Variants in TTLL5 observed in about 807,000 individuals in gnomAD.
The protein encoded by TTLL5 is tubulin polyglutamylase TTLL5.
Under a neutral mutation model 168.4 loss-of-function variants are expected in TTLL5, and 132 were observed. The ratio of observed to expected loss-of-function variants is 0.78; its 90% confidence interval spans 0.68 to 0.91. The LOEUF is 0.91. TTLL5 is among the 40% of genes least tolerant of loss of function. The pLI is 0.00. For missense variants in TTLL5, 1,545 were observed against 1,581.5 expected (o/e 0.98, Z 0.39); for synonymous variants, 546 against 558.6 (o/e 0.98, Z 0.32).
intron 27 of TTLL5, among the ~76,000 whole-genome samples, chr14:75,801,316 G>A (rs1893308249): frequency 6.6e-6 from 1 of 152,114 alleles, no homozygotes; most frequent in Non-Finnish European, 1.5e-5. Flanking sequence ...GGGAAAGCCA[G>A]CAGTGGCAGA....
chr14:75,744,931 GT>G (rs1889508540), intron 15 of TTLL5, among the ~76,000 whole-genome samples, 163 bp from the exon 16 acceptor site: 1 of 152,106 alleles, frequency 6.6e-6, no homozygotes, highest in East Asian at 1.9e-4. Flanking sequence ...GCTTTCGTCT[GT>G]TTTCCAGGGT....
chr14:75,787,398 T>A (rs1892431426), intron 26 of TTLL5, among the ~76,000 whole-genome samples: 1 of 152,178 alleles, frequency 6.6e-6, no homozygotes, highest in Non-Finnish European at 1.5e-5. Flanking sequence ...ATATAAAACT[T>A]TCTTACAGAT....
At chr14:75,756,436 T>C (rs758402807) in intron 18 of TTLL5, among the ~76,000 whole-genome samples, 29 of 152,040 alleles carry the variant, frequency 1.9e-4, no homozygotes, top group Non-Finnish European at 3.8e-4. Flanking sequence ...GGTGGATACA[T>C]GAACCTACAC....
intron 23 of TTLL5, among the ~76,000 whole-genome samples, chr14:75,777,236 G>A (rs1891767637): frequency 6.6e-6 from 1 of 152,174 alleles, no homozygotes; most frequent in African/African-American, 2.4e-5. Context: ...AGCCTTCACA[G>A]TGCACATCTC....
At chr14:75,928,559 C>T (rs1037313576) in intron 31 of TTLL5, among the ~76,000 whole-genome samples, 2 of 151,798 alleles carry the variant, frequency 1.3e-5, no homozygotes, top group African/African-American at 4.8e-5. Flanking sequence ...CTCCCTCCCT[C>T]CCCTGAGATT....
rs141732889 is a variant in TTLL5, at chr14:75,674,240, A to G, written c.181+4718A>G. Reference sequence around the variant, plus strand: ...TATCTTTCCCAGTTCCTTGTGGCTTAATAATTTTCTTCACCTTCCTTAATG... The same window carrying G: ...TATCTTTCCCAGTTCCTTGTGGCTTGATAATTTTCTTCACCTTCCTTAATG... On this transcript the variant is annotated intron_variant, in intron 3 of 31. Transcript: ENST00000298832. Among the ~76,000 whole-genome samples the G allele has an allele frequency of 6.6e-5, 10 of 152,300 alleles. No individual in the cohort carries two copies. In the East Asian group the frequency reaches 1.7e-3, roughly 26 times the overall value.
rs74958277 is a variant in TTLL5 at position 75,916,690 on chromosome 14, C to T, written c.3823+14466C>T. ...TGATCCAGCAATTTCATTCTGTGTG[C>T]GTATGCCCAAAAGAATTGAAAGCAG... On this transcript the variant is annotated intron_variant, in intron 31 of 31. Coordinates refer to ENST00000298832, the MANE Select transcript of TTLL5 (RefSeq NM_015072.5). Among the ~76,000 whole-genome samples, 92 of 152,194 alleles carry T rather than the reference C, an allele frequency of 6.0e-4. 1 individual carries two copies. In the East Asian group the frequency reaches 0.015, roughly 24 times the overall value.
rs1460922963 is a variant in TTLL5 at position 75,674,010 on chromosome 14, A to G, written c.181+4488A>G. Among the ~76,000 whole-genome samples the G allele has an allele frequency of 2.0e-5, 3 of 152,158 alleles. No individual in the cohort carries two copies. The East Asian group carries it at 5.8e-4, about 29-fold the overall frequency. On this transcript the variant is annotated intron_variant, in intron 3 of 31. Coordinates refer to ENST00000298832, the MANE Select transcript of TTLL5 (RefSeq NM_015072.5). Reference sequence around the variant, plus strand: ...ACTTCTTTTGGTCTGCTTGTCACATAAAGTAATCGATGTATTCTATGGCAA... The same window carrying G: ...ACTTCTTTTGGTCTGCTTGTCACATGAAGTAATCGATGTATTCTATGGCAA...
intron 31 of TTLL5, among the ~76,000 whole-genome samples, chr14:75,922,882 TATTA>T (rs2033879113): frequency 1.3e-5 from 2 of 152,118 alleles, no homozygotes; most frequent in South Asian, 2.1e-4. Context: ...GTTGGTAGGC[TATTA>T]ATTATTGCCT....
intron 30 of TTLL5, chr14:75,887,266 G>A: frequency 4.1e-6 from 4 of 986,000 alleles, no homozygotes; most frequent in South Asian, 4.7e-5. Context: ...AGAGATTAAT[G>A]TCAGAAGAAT....
At chr14:75,933,998 G>T (rs747477064) in intron 31 of TTLL5, among the ~76,000 whole-genome samples, 5 of 152,196 alleles carry the variant, frequency 3.3e-5, no homozygotes, top group Non-Finnish European at 7.3e-5. Flanking sequence ...GTGAGAAAAT[G>T]AGTTCCTGTT....
chr14:75,735,778 T>C (rs1888856115), intron 15 of TTLL5, among the ~76,000 whole-genome samples: 1 of 152,230 alleles, frequency 6.6e-6, no homozygotes, highest in South Asian at 2.1e-4. Context: ...AAGAAACTTA[T>C]ACTTGTCTAA....
At chr14:75,888,229 A>G (rs957009227) in intron 30 of TTLL5, among the ~76,000 whole-genome samples, 2 of 152,136 alleles carry the variant, frequency 1.3e-5, no homozygotes, top group Non-Finnish European at 2.9e-5. Context: ...GGGTGCTACA[A>G]CCACACCTAA....
chr14:75,691,104 A>G (rs118090938), intron 6 of TTLL5, among the ~76,000 whole-genome samples: 183 of 152,252 alleles, frequency 1.2e-3, no homozygotes, highest in Non-Finnish European at 1.7e-3. Context: ...AGTTAGTCAC[A>G]TTCTCTCCCC....
intron 28 of TTLL5, among the ~76,000 whole-genome samples, chr14:75,825,227 A>T (rs1443329467): frequency 1.3e-5 from 2 of 152,214 alleles, no homozygotes; most frequent in African/African-American, 4.8e-5. Context: ...GAAAGAAAGA[A>T]ACTTAAAATT....
intron 27 of TTLL5, among the ~76,000 whole-genome samples, chr14:75,807,564 C>G (rs1008569144): frequency 6.6e-6 from 1 of 152,096 alleles, no homozygotes; most frequent in Admixed American, 6.5e-5. Context: ...TCTCTTTAAC[C>G]CTAATGAGGT....
At chr14:75,822,348 C>T (rs1894878286) in intron 28 of TTLL5, among the ~76,000 whole-genome samples, 1 of 152,160 alleles carries the variant, frequency 6.6e-6, no homozygotes, top group Admixed American at 6.5e-5. Flanking sequence ...GGTAAGCATA[C>T]TTACATATGA....
intron 31 of TTLL5, among the ~76,000 whole-genome samples, chr14:75,939,649 A>C (rs775763469): frequency 1.3e-5 from 2 of 152,166 alleles, no homozygotes; most frequent in Non-Finnish European, 2.9e-5. Context: ...TCAGCCTCCC[A>C]AAGTGCTGGG....
intron 2 of TTLL5, among the ~76,000 whole-genome samples, chr14:75,663,684 A>G (rs1339041364): frequency 6.6e-6 from 1 of 152,268 alleles, no homozygotes; most frequent in Non-Finnish European, 1.5e-5. Flanking sequence ...ACTCTGAGGC[A>G]GGATATTAGA....
Sources: gnomAD v4.1 joint callset for allele counts (sites outside exome capture counted in the v4.1 genomes callset) on GRCh38, gnomAD v4.1.1 for gene constraint, MANE v1.5 for transcripts, NCBI Gene and HGNC (gene_info 2026-07-23, HGNC 2026-07-21) for gene names.